CRYZL1: variants seen among roughly 807,000 people sequenced by gnomAD.
CRYZL1 encodes the protein crystallin zeta like 1.
In CRYZL1, 34 loss-of-function variants were observed where a neutral mutation model predicts 50.6. The observed-to-expected ratio is 0.67, with a 90% CI of 0.51 to 0.89. The LOEUF is 0.89. CRYZL1 is among the 40% of genes least tolerant of loss of function. The probability of loss-of-function intolerance (pLI) is 0.00; values close to 1 mark genes in which losing one functional copy is unlikely to be tolerated. For missense variants in CRYZL1, 354 were observed against 402.3 expected, an observed-to-expected ratio of 0.88 and a Z score of 1.03; for synonymous variants, 125 against 134.3, an observed-to-expected ratio of 0.93 and a Z score of 0.48.
intron 6 of CRYZL1, among the ~76,000 whole-genome samples, chr21:33,612,287 A>ATT (rs890783134): frequency 8.6e-5 from 12 of 138,762 alleles, no homozygotes; most frequent in Non-Finnish European, 1.1e-4. Flanking sequence ...TGGGATGGTC[A>ATT]TTTTTTTTTT....
rs144281104 is a variant in CRYZL1 at position 33,594,997 on chromosome 21, C to CT, written c.904+733dup. ...CATATGCTCTATCAAGTAATGATAA[C>CT]TTTTTTTTTATCCAATACATTAAAA... On this transcript the variant is annotated intron_variant, in intron 11 of 12. Transcript: ENST00000381554. 6.5e-3 allele frequency: 1,262 copies of CT among 192,766 alleles called. 9 individuals carry two copies. Among genetic ancestry groups the CT allele is most frequent in the African/African-American group, 0.02 (827 of 41,866 alleles). 11.9% of individuals were successfully genotyped at this position (192,766 alleles called of 1,614,324 possible). A position where few individuals can be genotyped will look rare whatever the true frequency, so the allele number is the denominator to read the frequency against.
At chr21:33,622,170 C>A in intron 3 of CRYZL1, 102 bp from the exon 4 acceptor site, 1 of 893,318 alleles carries the variant, frequency 1.1e-6, no homozygotes, top group South Asian at 1.6e-5. Flanking sequence ...ACAGAAAGAG[C>A]AAATATGGTT....
rs374451137 is a variant in CRYZL1, at chr21:33,599,973, C to CT, written c.578-726dup. On this transcript the variant is annotated intron_variant, in intron 8 of 12. Coordinates refer to ENST00000381554, the MANE Select transcript of CRYZL1 (RefSeq NM_145858.3). ...CTCAAGTATGTTCATATTTAATAGT[C>CT]TTTAGAGCTAAAAAACATAAAAATA... Among the ~76,000 whole-genome samples, 525 of 152,108 alleles carry CT rather than the reference C, an allele frequency of 3.5e-3. 3 individuals are homozygous for CT. The highest frequency in any genetic ancestry group is 0.012 in the African/African-American group (498 of 41,482).
chr21:33,613,436 G>A, intron 6 of CRYZL1, 102 bp downstream of exon 6: 1 of 780,856 alleles, frequency 1.3e-6, no homozygotes, highest in Non-Finnish European at 2.1e-6. Context: ...ACTTTATTAA[G>A]TACAACACTT....
rs73900353 is a variant in CRYZL1 at position 33,598,805 on chromosome 21, A to G, written c.676+345T>C. On this transcript the variant is annotated intron_variant, in intron 9 of 12. Transcript: ENST00000381554. ...CTTAAAACATTATAAGACATTTTTGAGTTTTTTTTTTTTTTTTTGGCTCAT... is the reference window on the plus strand; with the variant it reads ...CTTAAAACATTATAAGACATTTTTGGGTTTTTTTTTTTTTTTTTGGCTCAT... Among the ~76,000 whole-genome samples the G allele has an allele frequency of 1.9e-3, 268 of 144,724 alleles. 2 individuals are homozygous for G. The highest frequency in any genetic ancestry group is 5.8e-3 in the African/African-American group (228 of 39,510). The allele number at this position is 144,724 out of a possible 152,430, so 94.9% of individuals were successfully genotyped here. A position where few individuals can be genotyped will look rare whatever the true frequency, so the allele number is the denominator to read the frequency against.
intron 11 of CRYZL1, 23 bp downstream of exon 11, chr21:33,595,704 AACTC>A (rs772537622): frequency 1.4e-5 from 22 of 1,612,094 alleles, no homozygotes; most frequent in Non-Finnish European, 1.9e-5. Flanking sequence ...TCAAGCCAGA[AACTC>A]AATCAGTCGA....
At chr21:33,593,107 A>G (rs2086659776) in intron 11 of CRYZL1, among the ~76,000 whole-genome samples, 1 of 152,106 alleles carries the variant, frequency 6.6e-6, no homozygotes, top group Non-Finnish European at 1.5e-5. Context: ...AAGTCATTTA[A>G]AACATTTCTT....
At chr21:33,615,828 T>A (rs779911489) in intron 5 of CRYZL1, among the ~76,000 whole-genome samples, 6 of 152,188 alleles carry the variant, frequency 3.9e-5, no homozygotes, top group Non-Finnish European at 8.8e-5. Context: ...CCCTAAAGAC[T>A]TCAGTCTGGC....
intron 4 of CRYZL1, among the ~76,000 whole-genome samples, chr21:33,618,932 A>T (rs1041274970): frequency 6.6e-6 from 1 of 151,966 alleles, no homozygotes; most frequent in African/African-American, 2.4e-5. Context: ...AGAACTCATC[A>T]ATTCTATTAT....
intron 12 of CRYZL1, 129 bp from the exon 13 acceptor site, chr21:33,590,050 C>G: frequency 1.7e-6 from 1 of 580,394 alleles, no homozygotes; most frequent in Non-Finnish European, 3.0e-6. Context: ...CAGAGTCTGG[C>G]TCTCTCATCC....
chr21:33,636,706 TA>T (rs2087210545), intron 1 of CRYZL1, among the ~76,000 whole-genome samples: 1 of 152,248 alleles, frequency 6.6e-6, no homozygotes, highest in African/African-American at 2.4e-5. Context: ...AAGGGATTTC[TA>T]AAAAATCAAT....
At chr21:33,600,281 T>C (rs553960795) in intron 8 of CRYZL1, among the ~76,000 whole-genome samples, 110 of 152,330 alleles carry the variant, frequency 7.2e-4, no homozygotes, top group African/African-American at 2.6e-3. Context: ...TTTAGGCAAG[T>C]CAGTAAAAAT....
intron 2 of CRYZL1, among the ~76,000 whole-genome samples, chr21:33,629,152 C>T (rs921223565): frequency 2.0e-5 from 3 of 151,960 alleles, no homozygotes; most frequent in Non-Finnish European, 4.4e-5. Context: ...GGAGCTGATG[C>T]TGGGGGAGGT....
intron 6 of CRYZL1, among the ~76,000 whole-genome samples, chr21:33,613,267 A>G (rs2086892336): frequency 6.6e-6 from 1 of 152,244 alleles, no homozygotes; most frequent in Admixed American, 6.5e-5. Flanking sequence ...GAGCCAAGAG[A>G]GAAATCACTT....
Position 33,595,770 on chromosome 21 carries a change from C to A in CRYZL1, c.865G>T (p.Val289Phe). The A allele has an allele frequency of 5.6e-6, 9 of 1,614,136 alleles. No individual in the cohort carries two copies. The Middle Eastern group carries it at 1.3e-3, about 237-fold the overall frequency. The change falls in exon 11 of 13, where the codon GTT (valine) becomes TTT (phenylalanine). Residue 289 changes from valine to phenylalanine, a missense_variant. By Grantham distance (50) the Val-to-Phe change is conservative. Coordinates refer to ENST00000381554, the MANE Select transcript of CRYZL1 (RefSeq NM_145858.3). ...GATLAFLNDE[V>F]WNLSNVQQGK... ...TGTTGTACATTTGACAAATTCCAAA[C>A]TTCATCATTCAGGAAAGCTAACGTT...
chr21:33,590,858 G>C (rs1317437370), intron 12 of CRYZL1, among the ~76,000 whole-genome samples: 1 of 152,220 alleles, frequency 6.6e-6, no homozygotes, highest in African/African-American at 2.4e-5. Flanking sequence ...CTACATAATG[G>C]AGTGAGGAAA....
chr21:33,590,559 C>T (rs1301575192), intron 12 of CRYZL1, among the ~76,000 whole-genome samples: 3 of 152,000 alleles, frequency 2.0e-5, no homozygotes, highest in Non-Finnish European at 4.4e-5. Context: ...GGATTATGGG[C>T]GTTCGCCACC....
intron 1 of CRYZL1, chr21:33,640,200 G>C (rs2145970781): frequency 6.5e-7 from 1 of 1,547,710 alleles, no homozygotes; most frequent in Non-Finnish European, 8.7e-7. Context: ...TACAAAAAGA[G>C]CATAGTTAAT....
intron 5 of CRYZL1, among the ~76,000 whole-genome samples, chr21:33,614,712 C>G (rs2086909889): frequency 6.6e-6 from 1 of 152,098 alleles, no homozygotes; most frequent in African/African-American, 2.4e-5. Context: ...GCTGGGATTA[C>G]AGGCGTGCAC....
Sources: gnomAD v4.1 joint callset for allele counts (sites outside exome capture counted in the v4.1 genomes callset) on GRCh38, gnomAD v4.1.1 for gene constraint, MANE v1.5 for transcripts, NCBI Gene and HGNC (gene_info 2026-07-23, HGNC 2026-07-21) for gene names.